AAK1: variants seen among roughly 807,000 people sequenced by gnomAD.
AAK1 encodes the protein AP2 associated kinase 1.
AAK1 carries 37 observed loss-of-function variants against 116.0 expected under a neutral mutation model. The observed-to-expected ratio is 0.32, with a 90% CI of 0.25 to 0.42. The LOEUF (loss-of-function observed/expected upper bound fraction) is 0.42. Among genes scored for constraint, AAK1 ranks in the 10% least tolerant of loss-of-function variants. The pLI, the probability that AAK1 is intolerant of heterozygous loss-of-function variation, is 1.00. For synonymous variants in AAK1, 458 were observed against 439.9 expected (o/e 1.04, Z -0.51); for missense variants, 919 against 1,170.6 (o/e 0.79, Z 3.14).
intron 18 of AAK1, 32 bp from the exon 19 acceptor site, chr2:69,480,993 G>T: frequency 6.5e-7 from 1 of 1,532,802 alleles, no homozygotes; most frequent in South Asian, 1.2e-5. Context: ...AAGAGGAAAG[G>T]GTAAGGGAAA....
At chr2:69,589,385 T>C (rs1672927324) in intron 2 of AAK1, among the ~76,000 whole-genome samples, 1 of 152,000 alleles carries the variant, frequency 6.6e-6, no homozygotes, top group Non-Finnish European at 1.5e-5. Flanking sequence ...GTGAACAGAA[T>C]AGATGCAACA....
At chr2:69,491,627 A>G (rs1675526228) in intron 17 of AAK1, among the ~76,000 whole-genome samples, 1 of 152,188 alleles carries the variant, frequency 6.6e-6, no homozygotes, top group Non-Finnish European at 1.5e-5. Flanking sequence ...TCAACAAGAG[A>G]AAAATATCAT....
chr2:69,631,337 G>T (rs1457673084), intron 2 of AAK1, among the ~76,000 whole-genome samples: 1 of 152,210 alleles, frequency 6.6e-6, no homozygotes, highest in African/African-American at 2.4e-5. Context: ...CTTTCTACAG[G>T]ATTCAAGTCC....
intron 5 of AAK1, among the ~76,000 whole-genome samples, chr2:69,541,421 G>A (rs535757086): frequency 3.3e-5 from 5 of 151,958 alleles, no homozygotes; most frequent in East Asian, 3.9e-4. Context: ...TAGTAGAGAC[G>A]TGGTTTCGCC....
At position 69,467,924 on chromosome 2, in the gene AAK1, C is replaced by T. The variant is rs894537297; in HGVS notation, c.*7945G>A. Reference sequence around the variant, plus strand: ...TTCTCTGAATCCTATAACTTTTTAGCAGTGCTTCTTTTTAAACAGTTCTGA... The same window carrying T: ...TTCTCTGAATCCTATAACTTTTTAGTAGTGCTTCTTTTTAAACAGTTCTGA... On this transcript the variant is annotated 3_prime_UTR_variant, in exon 22 of 22. Coordinates refer to ENST00000409085, the MANE Select transcript of AAK1 (RefSeq NM_014911.5). 56 of 985,186 alleles carry T rather than the reference C, an allele frequency of 5.7e-5. No individual in the cohort carries two copies. The highest frequency in any genetic ancestry group is 1.1e-4 in the East Asian group (1 of 8,834). The allele number at this position is 985,186 out of a possible 1,614,324, so 61.0% of individuals were successfully genotyped here. A position where few individuals can be genotyped will look rare whatever the true frequency, so the allele number is the denominator to read the frequency against.
intron 3 of AAK1, among the ~76,000 whole-genome samples, chr2:69,545,482 G>A (rs1310306968): frequency 6.6e-6 from 1 of 152,162 alleles, no homozygotes; most frequent in Admixed American, 6.5e-5. Context: ...CAGGGGGAAG[G>A]AAAACATGTG....
chr2:69,505,439 C>CAT (rs144682650), intron 16 of AAK1, 130 bp downstream of exon 16: 5,042 of 424,136 alleles, frequency 0.012, 4 homozygotes, highest in African/African-American at 0.018. Flanking sequence ...CCATGAAAAA[C>CAT]ATATATATAT....
In AAK1 at chr2:69,472,192, T is replaced by A; in HGVS notation, c.*3677A>T. On this transcript the variant is annotated 3_prime_UTR_variant, in exon 22 of 22. Coordinates refer to ENST00000409085, the MANE Select transcript of AAK1 (RefSeq NM_014911.5). ...TATTATAAGGTCCTCTCTGAGAATTTTTTGTGGATTATCCTTTTTACTGTC... is the reference window on the plus strand; with the variant it reads ...TATTATAAGGTCCTCTCTGAGAATTATTTGTGGATTATCCTTTTTACTGTC... The A allele has an allele frequency of 1.0e-6, 1 of 981,066 alleles. No individual in the cohort carries two copies. Among genetic ancestry groups the A allele is most frequent in the Non-Finnish European group, 1.2e-6 (1 of 825,942 alleles). The allele number at this position is 981,066 out of a possible 1,614,324, so 60.8% of individuals were successfully genotyped here.
intron 2 of AAK1, among the ~76,000 whole-genome samples, chr2:69,588,307 A>G (rs1329012574): frequency 6.6e-6 from 1 of 152,188 alleles, no homozygotes; most frequent in Admixed American, 6.5e-5. Context: ...TTCCTAAGTA[A>G]GGCCCATCAG....
intron 17 of AAK1, among the ~76,000 whole-genome samples, chr2:69,488,244 T>A (rs1482642495): frequency 6.6e-6 from 1 of 151,704 alleles, no homozygotes; most frequent in African/African-American, 2.4e-5. Flanking sequence ...AGTGATGGGA[T>A]CAGTTGTACC....
At chr2:69,553,081 AG>A (rs1671244177) in intron 3 of AAK1, among the ~76,000 whole-genome samples, 1 of 152,146 alleles carries the variant, frequency 6.6e-6, no homozygotes, top group Non-Finnish European at 1.5e-5. Context: ...TTTCAGAAAA[AG>A]GGGAAAAAAA....
chr2:69,512,850 G>A (rs1676443618), intron 13 of AAK1, among the ~76,000 whole-genome samples: 1 of 152,248 alleles, frequency 6.6e-6, no homozygotes, highest in South Asian at 2.1e-4. Context: ...AAGAAGTGTA[G>A]TCAGTAGTAG....
At position 69,466,036 on chromosome 2, in the gene AAK1, T is replaced by C. The variant is rs1674474962; in HGVS notation, c.*9833A>G. ...TCCTCTGGCTGGGAAGGAGCCATAC[T>C]GCTCTTGGAGACAAATGGGGCTTTG... is the stretch of plus-strand genomic sequence containing the variant. On this transcript the variant is annotated 3_prime_UTR_variant, in exon 22 of 22. Coordinates refer to ENST00000409085, the MANE Select transcript of AAK1 (RefSeq NM_014911.5). The C allele has an allele frequency of 1.5e-6, 2 of 1,290,876 alleles. No individual in the cohort carries two copies. The highest frequency in any genetic ancestry group is 2.0e-6 in the Non-Finnish European group (2 of 988,898). The allele number at this position is 1,290,876 out of a possible 1,614,324, so 80.0% of individuals were successfully genotyped here. A position where few individuals can be genotyped will look rare whatever the true frequency, so the allele number is the denominator to read the frequency against.
At chr2:69,605,425 A>AT (rs1026677423) in intron 2 of AAK1, among the ~76,000 whole-genome samples, 6 of 152,192 alleles carry the variant, frequency 3.9e-5, no homozygotes, top group Non-Finnish European at 8.8e-5. Flanking sequence ...CTTCTTATGC[A>AT]TTTTTTCTAA....
chr2:69,575,618 G>A (rs755178980), intron 2 of AAK1, among the ~76,000 whole-genome samples: 10 of 151,922 alleles, frequency 6.6e-5, no homozygotes, highest in Non-Finnish European at 1.2e-4. Flanking sequence ...ACAGGCACGC[G>A]CCAACATGTC....
At chr2:69,601,715 GTTCACTTTCTCTTGGC>G (rs1673587904) in intron 2 of AAK1, among the ~76,000 whole-genome samples, 2 of 152,208 alleles carry the variant, frequency 1.3e-5, no homozygotes, top group African/African-American at 2.4e-5. Context: ...GGACTGAATG[GTTCACTTTCTCTTGGC>G]TTCATTTTAG....
Position 69,476,974 on chromosome 2 carries a change from A to T in AAK1, c.2697T>A (p.Asn899Lys). ...APVHKAAEDS[N>K]LISGFDVPEG... ...CAGGGACATCAAAACCTGAGATGAG[A>T]TTACTATCTTCTGCAGCTTAATACA... Residue 899 changes from asparagine to lysine, a missense_variant, in exon 21 of 22, where the codon AAT becomes AAA. By Grantham distance (94) the Asn-to-Lys change is moderately conservative. Around this residue, in one of 4 missense-constraint regions of AAK1, gnomAD observed 263 missense variants for 285.5 expected, o/e 0.92. Coordinates refer to ENST00000409085, the MANE Select transcript of AAK1 (RefSeq NM_014911.5). 6.2e-7 allele frequency: 1 copy of T among 1,612,418 alleles called. No homozygotes were observed. The highest frequency in any genetic ancestry group is 8.5e-7 in the Non-Finnish European group (1 of 1,179,052).
chr2:69,567,831 A>G (rs1671940000), intron 2 of AAK1, among the ~76,000 whole-genome samples: 1 of 152,162 alleles, frequency 6.6e-6, no homozygotes, highest in Admixed American at 6.5e-5. Flanking sequence ...AATAATAAAT[A>G]CTTGTCCTAC....
intron 13 of AAK1, among the ~76,000 whole-genome samples, chr2:69,510,166 A>C (rs891285819): frequency 6.6e-6 from 1 of 152,270 alleles, no homozygotes; most frequent in Admixed American, 6.5e-5. Flanking sequence ...CCTAGTACAC[A>C]AGAGTTATTT....
Sources: gnomAD v4.1 joint callset for allele counts (sites outside exome capture counted in the v4.1 genomes callset) on GRCh38, gnomAD v4.1.1 for gene constraint, gnomAD v4.1.1 regional missense constraint, MANE v1.5 for transcripts, NCBI Gene and HGNC (gene_info 2026-07-23, HGNC 2026-07-21) for gene names.